Variants in LRP1B observed in about 807,000 individuals in gnomAD.
LRP1B encodes the protein low-density lipoprotein receptor-related protein 1B.
A neutral mutation model predicts 556.6 loss-of-function variants in LRP1B; 217 were observed. The observed-to-expected ratio is 0.39, with a 90% CI of 0.35 to 0.44. The LOEUF is 0.44. Among genes scored for constraint, LRP1B ranks in the 20% least tolerant of loss-of-function variants. The pLI, the probability that LRP1B is intolerant of heterozygous loss-of-function variation, is 1.00. For synonymous variants in LRP1B, 2,047 were observed against 1,865.8 expected (o/e 1.10, Z -2.50); for missense variants, 5,053 against 5,620.8 (o/e 0.90, Z 3.23).
intron 3 of LRP1B, among the ~76,000 whole-genome samples, chr2:141,313,946 C>T (rs1236635578): frequency 1.3e-5 from 2 of 150,810 alleles, no homozygotes; most frequent in Non-Finnish European, 2.9e-5. Flanking sequence ...CTTTATGTGT[C>T]AGTTCTAAAT....
chr2:140,720,606 C>G (rs546470028), intron 35 of LRP1B, among the ~76,000 whole-genome samples: 4 of 151,894 alleles, frequency 2.6e-5, no homozygotes, highest in Non-Finnish European at 5.9e-5. Flanking sequence ...TATTTAGAGA[C>G]TAAATCATGC....
chr2:141,792,090 A>G (rs572356414), intron 2 of LRP1B, among the ~76,000 whole-genome samples: 1 of 152,070 alleles, frequency 6.6e-6, no homozygotes, highest in East Asian at 1.9e-4. Context: ...ACTTAAAAAA[A>G]TTCCACCTCC....
chr2:140,932,838 T>TCACTG (rs1315773807), intron 20 of LRP1B, among the ~76,000 whole-genome samples: 5 of 143,890 alleles, frequency 3.5e-5, no homozygotes, highest in Non-Finnish European at 4.6e-5. Context: ...ATTGTGCCAG[T>TCACTG]ACACTCAATC....
intron 35 of LRP1B, among the ~76,000 whole-genome samples, chr2:140,744,330 G>A (rs1688248556): frequency 6.6e-6 from 1 of 151,998 alleles, no homozygotes; most frequent in Admixed American, 6.6e-5. Flanking sequence ...AAAAATAAAA[G>A]CACATATAAC....
intron 33 of LRP1B, among the ~76,000 whole-genome samples, chr2:140,774,317 G>A (rs1689417405): frequency 6.6e-6 from 1 of 152,052 alleles, no homozygotes; most frequent in South Asian, 2.1e-4. Context: ...TACTTTCACA[G>A]AGCATAGAAC....
At chr2:141,107,785 ACTT>A (rs928160787) in intron 7 of LRP1B, among the ~76,000 whole-genome samples, 13 of 152,102 alleles carry the variant, frequency 8.5e-5, no homozygotes, top group African/African-American at 2.7e-4. Flanking sequence ...GAATTGAACA[ACTT>A]CTGCTTGTGG....
chr2:141,360,611 G>A (rs1688788246), intron 3 of LRP1B, among the ~76,000 whole-genome samples: 1 of 152,160 alleles, frequency 6.6e-6, no homozygotes, highest in Non-Finnish European at 1.5e-5. Flanking sequence ...CTGAACCACT[G>A]TACTACCTCA....
At chr2:141,764,181 A>T (rs944065749) in intron 2 of LRP1B, among the ~76,000 whole-genome samples, 2 of 151,960 alleles carry the variant, frequency 1.3e-5, no homozygotes, top group Middle Eastern at 3.4e-3. Flanking sequence ...GTCTGACAAG[A>T]TGGTGTCTTT....
At chr2:141,087,331 C>T (rs762462121) in intron 7 of LRP1B, among the ~76,000 whole-genome samples, 19 of 152,148 alleles carry the variant, frequency 1.2e-4, no homozygotes, top group Non-Finnish European at 2.2e-4. Context: ...GAATACATGG[C>T]GGTCCTACCA....
At chr2:141,436,164 T>C (rs1219218000) in intron 3 of LRP1B, among the ~76,000 whole-genome samples, 3 of 152,204 alleles carry the variant, frequency 2.0e-5, no homozygotes, top group Admixed American at 2.0e-4. Flanking sequence ...AAGGTGTACA[T>C]GATGATTTAA....
intron 47 of LRP1B, among the ~76,000 whole-genome samples, chr2:140,529,789 T>G (rs1690607247): frequency 6.6e-6 from 1 of 151,998 alleles, no homozygotes; most frequent in Non-Finnish European, 1.5e-5. Context: ...AAGCATATCA[T>G]GCACTCTTCC....
rs979275962 is a variant in LRP1B at position 141,525,053 on chromosome 2, CT to C, written c.206-44521del. Among the ~76,000 whole-genome samples the C allele has an allele frequency of 3.4e-3, 516 of 151,630 alleles. 2 individuals carry two copies. Among genetic ancestry groups the C allele is most frequent in the African/African-American group, 0.011 (450 of 41,422 alleles). Reference sequence around the variant, plus strand: ...ATATCGACTCTTGTTTTTTTGTTTTCTTTTTTTTGACTCTGAAATACATTGC... The same window carrying C: ...ATATCGACTCTTGTTTTTTTGTTTTCTTTTTTTGACTCTGAAATACATTGC... On this transcript the variant is annotated intron_variant, in intron 2 of 90. Coordinates refer to ENST00000389484, the MANE Select transcript of LRP1B (RefSeq NM_018557.3).
chr2:140,342,655 G>T (rs973035977), intron 77 of LRP1B, among the ~76,000 whole-genome samples: 2 of 151,422 alleles, frequency 1.3e-5, no homozygotes, highest in African/African-American at 2.4e-5. Context: ...ATAGGATGGG[G>T]ACTCCATACT....
At chr2:140,281,879 C>A (rs1438474659) in intron 84 of LRP1B, among the ~76,000 whole-genome samples, 1 of 151,706 alleles carries the variant, frequency 6.6e-6, no homozygotes, top group Non-Finnish European at 1.5e-5. Context: ...ATTATCCCTG[C>A]AGAGTGGTTT....
chr2:142,048,228 A>C (rs1463588387), intron 1 of LRP1B, among the ~76,000 whole-genome samples: 1 of 152,048 alleles, frequency 6.6e-6, no homozygotes, highest in African/African-American at 2.4e-5. Context: ...TTGGAAATGG[A>C]ATTATAAATG....
intron 2 of LRP1B, among the ~76,000 whole-genome samples, chr2:141,517,731 T>A (rs1684376623): frequency 6.6e-6 from 1 of 152,178 alleles, no homozygotes; most frequent in Non-Finnish European, 1.5e-5. Context: ...GGAATCGTGA[T>A]CACAAGGAAC....
intron 43 of LRP1B, among the ~76,000 whole-genome samples, chr2:140,553,941 A>G (rs1394576217): frequency 6.6e-6 from 1 of 152,054 alleles, no homozygotes; most frequent in African/African-American, 2.4e-5. Flanking sequence ...ATCTAACTCA[A>G]CCAGAAGCCG....
chr2:140,770,815 T>A, intron 34 of LRP1B, 66 bp downstream of exon 34: 1 of 1,380,496 alleles, frequency 7.2e-7, no homozygotes, highest in Non-Finnish European at 9.6e-7. Context: ...TTGCCTAACA[T>A]CTGCATGGTA....
chr2:141,608,068 T>A (rs1325863027), intron 2 of LRP1B, among the ~76,000 whole-genome samples: 1 of 151,894 alleles, frequency 6.6e-6, no homozygotes, highest in Non-Finnish European at 1.5e-5. Context: ...CTGCTAAAAA[T>A]ACAAAATTAG....
Sources: allele counts gnomAD v4.1 joint callset (sites outside exome capture counted in the v4.1 genomes callset), GRCh38; gene constraint gnomAD v4.1.1; transcripts MANE v1.5; gene names NCBI Gene and HGNC (gene_info 2026-07-23, HGNC 2026-07-21).